MYLK2: variants seen among roughly 807,000 people sequenced by gnomAD.
MYLK2 encodes the protein myosin light chain kinase 2, also known as myosin light chain kinase 2, skeletal/cardiac muscle.
MYLK2 carries 27 observed loss-of-function variants against 58.2 expected under a neutral mutation model. The observed-to-expected ratio is 0.46, with a 90% CI of 0.34 to 0.64. The LOEUF (loss-of-function observed/expected upper bound fraction) is 0.64. MYLK2 is among the 30% of genes least tolerant of loss of function. The probability of loss-of-function intolerance (pLI) is 0.01; values close to 1 mark genes in which losing one functional copy is unlikely to be tolerated. For missense variants in MYLK2, 676 were observed against 764.3 expected (o/e 0.88, Z 1.36); for synonymous variants, 310 against 296.7 (o/e 1.04, Z -0.46).
In MYLK2 at chr20:31,826,700, C is replaced by T. The variant is rs17340492; in HGVS notation, c.1068C>T (p.Val356=). 24,085 of 1,613,986 alleles carry T rather than the reference C, an allele frequency of 0.015. 222 individuals carry two copies. Among genetic ancestry groups the T allele is most frequent in the Non-Finnish European group, 0.017 (20,643 of 1,179,996 alleles). The part of the protein sequence containing the change: ...YAAIETPHEI[V]LFMEYIEGGE... ...CCATCGAGACTCCGCATGAGATCGT[C>T]CTGTTCATGGAGTAGTGAGTGCCCG... Residue 356 remains valine, a synonymous_variant, in exon 7 of 13, where the codon GTC becomes GTT. Transcript: ENST00000375985.
At chr20:31,822,544 G>A (rs1183170159) in intron 4 of MYLK2, among the ~76,000 whole-genome samples, 2 of 152,164 alleles carry the variant, frequency 1.3e-5, no homozygotes, top group Non-Finnish European at 2.9e-5. Context: ...AGAGCACTGA[G>A]TGTGAGTGAG....
At chr20:31,819,458 C>G in intron 1 of MYLK2, 30 bp downstream of exon 1, 1 of 1,344,314 alleles carries the variant, frequency 7.4e-7, no homozygotes, top group African/African-American at 1.5e-5. Flanking sequence ...TAGCAGGCCT[C>G]GGCTTCCTGT....
Position 31,830,997 on chromosome 20 carries a change from T to A in MYLK2, c.1296-16T>A, listed in dbSNP as rs1283152889. Reference sequence around the variant, plus strand: ...AGGCCAGGAGCTGTGCTCTCAGCCCTTGGTCTCACCCCCAGGTATAACCCC... The same window carrying A: ...AGGCCAGGAGCTGTGCTCTCAGCCCATGGTCTCACCCCCAGGTATAACCCC... On this transcript the variant is annotated splice_polypyrimidine_tract_variant and intron_variant, in intron 9 of 12. Transcript: ENST00000375985. The A allele has an allele frequency of 6.2e-7, 1 of 1,614,152 alleles. No individual in the cohort carries two copies. Among genetic ancestry groups the A allele is most frequent in the Admixed American group, 1.7e-5 (1 of 60,016 alleles).
rs1287065754 is a variant in MYLK2, at chr20:31,826,954, C to T, written c.1224+16C>T. 1 of 1,613,858 alleles carries T rather than the reference C, an allele frequency of 6.2e-7. No homozygotes were observed. The highest frequency in any genetic ancestry group is 2.2e-5 in the East Asian group (1 of 44,898). On this transcript the variant is annotated intron_variant, in intron 8 of 12. Transcript: ENST00000375985. ...GGACCTCAAGGTACCAGACTGGGGC[C>T]TCCTGGGAAGGGTCAGGGGCAGCCT... is the stretch of plus-strand genomic sequence containing the variant.
chr20:31,829,596 A>C (rs1332834948), intron 8 of MYLK2, among the ~76,000 whole-genome samples: 2 of 152,316 alleles, frequency 1.3e-5, no homozygotes, highest in Admixed American at 6.5e-5. Context: ...TACATGTTGA[A>C]TGGGAGGGAT....
Position 31,821,478 on chromosome 20 carries a change from A to C in MYLK2, c.513A>C (p.Ala171=). ...TGGCCAAGAAGCCCCCAAGCGAGGC[A>C]TCAGAGCTCACCTTTGAAGGGGTGC... ...KLLAKKPPSE[A]SELTFEGVPM... The change falls in exon 4 of 13, where the codon GCA becomes GCC. Residue 171 remains alanine (A), a synonymous_variant. Transcript: ENST00000375985. 6.2e-7 allele frequency: 1 copy of C among 1,613,934 alleles called. No homozygotes were observed. The highest frequency in any genetic ancestry group is 1.1e-5 in the South Asian group (1 of 91,090).
intron 6 of MYLK2, among the ~76,000 whole-genome samples, chr20:31,825,870 G>A (rs528455607): frequency 6.6e-6 from 1 of 152,330 alleles, no homozygotes; most frequent in East Asian, 1.9e-4. Flanking sequence ...GCCTACCGAT[G>A]TGACAGCTGG....
At chr20:31,823,845 G>C in intron 5 of MYLK2, 1 of 709,984 alleles carries the variant, frequency 1.4e-6, no homozygotes, top group Non-Finnish European at 1.7e-6. Context: ...GTCTGTCTCA[G>C]CTCCAGGCAC....
intron 4 of MYLK2, among the ~76,000 whole-genome samples, chr20:31,822,690 G>A (rs753478882): frequency 6.6e-6 from 1 of 152,046 alleles, no homozygotes; most frequent in Admixed American, 6.5e-5. Flanking sequence ...TGGGAGACCC[G>A]CCAGCCTGCC....
chr20:31,826,480 G>A, intron 6 of MYLK2, 125 bp from the exon 7 acceptor site: 8 of 1,312,914 alleles, frequency 6.1e-6, no homozygotes, highest in South Asian at 5.1e-5. Context: ...GAGAGGAGAG[G>A]CAAGGAGGAG....
intron 2 of MYLK2, 121 bp downstream of exon 2, chr20:31,819,753 G>C (rs2062242198): frequency 8.1e-7 from 1 of 1,230,588 alleles, no homozygotes; most frequent in Admixed American, 2.0e-5. Flanking sequence ...GTGCACGGGG[G>C]ACCCAGAAAT....
At chr20:31,820,065 G>A in intron 2 of MYLK2, 61 bp from the exon 3 acceptor site, 1 of 1,604,700 alleles carries the variant, frequency 6.2e-7, no homozygotes, top group South Asian at 1.1e-5. Flanking sequence ...TCTCTGCCCA[G>A]CCTGGGTGAG....
At position 31,821,495 on chromosome 20, in the gene MYLK2, A is replaced by G. The variant is rs1312798903; in HGVS notation, c.530A>G (p.Glu177Gly). The change falls in exon 4 of 13, where the codon GAA (glutamate) becomes GGA (glycine). Residue 177 changes from glutamate to glycine, a missense_variant. This residue lies in a region of MYLK2 where 306 missense variants were observed against 296.5 expected (regional missense o/e 1.03). Transcript: ENST00000375985. ...AGCGAGGCATCAGAGCTCACCTTTG[A>G]AGGGGTGCCCATGACCCACAGCCCC... Reference protein sequence around the residue: ...PPSEASELTFEGVPMTHSPTD... With the variant: ...PPSEASELTFGGVPMTHSPTD... 1 of 1,613,862 alleles carries G rather than the reference A, an allele frequency of 6.2e-7. No individual in the cohort carries two copies. Among genetic ancestry groups the G allele is most frequent in the Non-Finnish European group, 8.5e-7 (1 of 1,180,042 alleles).
rs192056427 is a variant in MYLK2 at position 31,819,630 on chromosome 20, C to A, written c.50C>A (p.Thr17Lys). ...GAGCTGGGAATTCAGAACCCATCAA[C>A]AGGTGCCAAGCTGGGGCAGGAGATG... The part of the protein sequence containing the change: ...AVELGIQNPS[T>K]DKAPKGPTGE... The change falls in exon 2 of 13, where the codon ACA (threonine) becomes AAA (lysine). Residue 17 changes from threonine to lysine, a missense_variant and splice_region_variant. Coordinates refer to ENST00000375985, the MANE Select transcript of MYLK2 (RefSeq NM_033118.4). 1.3e-4 allele frequency: 208 copies of A among 1,551,582 alleles called. No individual in the cohort carries two copies. In the East Asian group the frequency reaches 5.0e-3, roughly 37 times the overall value.
Position 31,824,243 on chromosome 20 carries a change from C to G in MYLK2, c.879-16C>G, listed in dbSNP as rs374274739. 3.7e-6 allele frequency: 6 copies of G among 1,611,756 alleles called. No individual in the cohort carries two copies. The African/African-American group carries it at 6.7e-5, about 18-fold the overall frequency. On this transcript the variant is annotated splice_polypyrimidine_tract_variant and intron_variant, in intron 5 of 12. Transcript: ENST00000375985. Reference sequence around the variant, plus strand: ...GGCTCTGGGGTCCCCTCACTTACAGCCTCTTCTCTTTCCAGTGGCAAGTTT... The same window carrying G: ...GGCTCTGGGGTCCCCTCACTTACAGGCTCTTCTCTTTCCAGTGGCAAGTTT...
intron 8 of MYLK2, 59 bp downstream of exon 8, chr20:31,826,997 G>A (rs954046058): frequency 1.9e-6 from 3 of 1,610,100 alleles, no homozygotes; most frequent in Non-Finnish European, 1.7e-6. Flanking sequence ...CCTGAGATCA[G>A]TGCTGTCACC....
chr20:31,821,239 T>C (rs2062250491), intron 3 of MYLK2, among the ~76,000 whole-genome samples, 200 bp from the exon 4 acceptor site: 1 of 152,276 alleles, frequency 6.6e-6, no homozygotes, highest in South Asian at 2.1e-4. Flanking sequence ...TAATAGTTAT[T>C]AATGATGTAT....
intron 8 of MYLK2, chr20:31,827,533 T>C: frequency 1.0e-6 from 1 of 985,394 alleles, no homozygotes; most frequent in Non-Finnish European, 1.2e-6. Flanking sequence ...TTCTTCTTTT[T>C]TTTGAGATAG....
chr20:31,833,436 G>A (rs1252114591), intron 12 of MYLK2, among the ~76,000 whole-genome samples: 3 of 152,158 alleles, frequency 2.0e-5, no homozygotes, highest in South Asian at 2.1e-4. Context: ...GGGACTCATC[G>A]GCCATGGCAA....
Sources: allele counts gnomAD v4.1 joint callset (sites outside exome capture counted in the v4.1 genomes callset), GRCh38; gene constraint gnomAD v4.1.1; regional missense constraint gnomAD v4.1.1; transcripts MANE v1.5; gene names NCBI Gene and HGNC (gene_info 2026-07-23, HGNC 2026-07-21).